PRKAG2: variants seen among roughly 807,000 people sequenced by gnomAD.
PRKAG2 encodes the protein 5'-AMP-activated protein kinase subunit gamma-2.
Under a neutral mutation model 69.6 loss-of-function variants are expected in PRKAG2, and 26 were observed. The observed-to-expected ratio is 0.37, with a 90% CI of 0.27 to 0.52. The LOEUF is 0.52. Among genes scored for constraint, PRKAG2 ranks in the 20% least tolerant of loss-of-function variants. The pLI is 0.90. For missense variants in PRKAG2, 557 were observed against 740.0 expected (o/e 0.75, Z 2.87); for synonymous variants, 293 against 285.0 (o/e 1.03, Z -0.28).
Position 151,835,147 on chromosome 7 carries a change from G to A in PRKAG2, c.114+41360C>T, listed in dbSNP as rs536102176. Among the ~76,000 whole-genome samples the A allele has an allele frequency of 3.3e-5, 5 of 152,290 alleles. No homozygotes were observed. The South Asian group carries it at 1.0e-3, about 32-fold the overall frequency. The stretch of plus-strand genomic sequence containing the variant: ...GAGGTCACATTCACAGGTACAGAGG[G>A]TTAGGATTTGGACACATCTTTTAGG... On this transcript the variant is annotated intron_variant, in intron 1 of 15. Coordinates refer to ENST00000287878, the MANE Select transcript of PRKAG2 (RefSeq NM_016203.4). The surrounding 1 kb of genome is among the most constrained non-coding windows in gnomAD (Gnocchi z 4.1).
At chr7:151,690,372 C>G (rs1051119708) in intron 3 of PRKAG2, among the ~76,000 whole-genome samples, 5 of 152,164 alleles carry the variant, frequency 3.3e-5, no homozygotes, top group Non-Finnish European at 5.9e-5. Context: ...CCCCCTGCCC[C>G]CTTCCAGATA....
chr7:151,727,367 G>T (rs1309594752), intron 3 of PRKAG2, among the ~76,000 whole-genome samples: 1 of 152,198 alleles, frequency 6.6e-6, no homozygotes, highest in Non-Finnish European at 1.5e-5. Flanking sequence ...AGGGGCAGAG[G>T]CATCCAGCCA....
At chr7:151,559,952 C>G in intron 15 of PRKAG2, 5 of 985,352 alleles carry the variant, frequency 5.1e-6, no homozygotes, top group Non-Finnish European at 6.0e-6. Flanking sequence ...GTCTAAAGCC[C>G]TCTCCCGTTC....
At chr7:151,859,248 G>A (rs187132676) in intron 1 of PRKAG2, among the ~76,000 whole-genome samples, 6 of 152,376 alleles carry the variant, frequency 3.9e-5, no homozygotes, top group Non-Finnish European at 8.8e-5. Context: ...ACTCCGCGGG[G>A]AACGGCGTCA....
chr7:151,697,521 C>T (rs1836888314), intron 3 of PRKAG2, among the ~76,000 whole-genome samples: 1 of 152,136 alleles, frequency 6.6e-6, no homozygotes, highest in Admixed American at 6.5e-5. Context: ...AAAGGGGAAG[C>T]CCCGGAGCCC....
chr7:151,689,528 G>A (rs546901999), intron 3 of PRKAG2, among the ~76,000 whole-genome samples: 37 of 152,346 alleles, frequency 2.4e-4, no homozygotes, highest in Non-Finnish European at 4.9e-4. Flanking sequence ...CTCCACTTTG[G>A]AGAGCCACGT....
At chr7:151,587,034 G>A (rs1245990886) in intron 6 of PRKAG2, among the ~76,000 whole-genome samples, 4 of 152,084 alleles carry the variant, frequency 2.6e-5, no homozygotes, top group African/African-American at 7.2e-5. Context: ...GTTGTTGCCC[G>A]CCTGTAATCC....
intron 3 of PRKAG2, among the ~76,000 whole-genome samples, chr7:151,711,588 C>T (rs920064977): frequency 2.0e-5 from 3 of 152,214 alleles, no homozygotes; most frequent in African/African-American, 4.8e-5. Flanking sequence ...TATTTCAACA[C>T]TTTAAATCTA....
At chr7:151,696,323 T>C (rs1836654010) in intron 3 of PRKAG2, among the ~76,000 whole-genome samples, 1 of 152,228 alleles carries the variant, frequency 6.6e-6, no homozygotes, top group South Asian at 2.1e-4. Context: ...CCAGCTCCAA[T>C]GGCAACTGGT....
chr7:151,781,530 G>A lies in PRKAG2; in HGVS notation c.187-99C>T. 1 of 1,398,084 alleles carries A rather than the reference G, an allele frequency of 7.2e-7. No individual in the cohort carries two copies. 86.6% of individuals were successfully genotyped at this position (1,398,084 alleles called of 1,614,324 possible). Reference sequence around the variant, plus strand: ...TATCATTGTCCTCTCTCACATGCGGGCCCCCCATAGTACCCTCCCAGAGAA... The same window carrying A: ...TATCATTGTCCTCTCTCACATGCGGACCCCCCATAGTACCCTCCCAGAGAA... On this transcript the variant is annotated intron_variant, in intron 2 of 15. Coordinates refer to ENST00000287878, the MANE Select transcript of PRKAG2 (RefSeq NM_016203.4). The surrounding 1 kb of genome is among the most constrained non-coding windows in gnomAD (Gnocchi z 6.1).
intron 1 of PRKAG2, among the ~76,000 whole-genome samples, chr7:151,851,199 T>C (rs2079559224): frequency 1.3e-5 from 2 of 152,120 alleles, no homozygotes; most frequent in Admixed American, 1.3e-4. Flanking sequence ...GCTCTGACAT[T>C]ACATTGGTGC....
rs574706331 is a variant in PRKAG2 at position 151,574,168 on chromosome 7, G to A, written c.1005+723C>T. On this transcript the variant is annotated intron_variant, in intron 8 of 15. Coordinates refer to ENST00000287878, the MANE Select transcript of PRKAG2 (RefSeq NM_016203.4). ...CATTACGCATAAAGCAGTATTAATT[G>A]AATTAACCTACACCTTTTAAGTACC... Among the ~76,000 whole-genome samples, 49 of 152,272 alleles carry A rather than the reference G, an allele frequency of 3.2e-4. 1 individual carries two copies. The highest frequency in any genetic ancestry group is 6.8e-3 in the Middle Eastern group (2 of 294).
chr7:151,838,807 G>C (rs1055626719), intron 1 of PRKAG2, among the ~76,000 whole-genome samples: 4 of 151,746 alleles, frequency 2.6e-5, no homozygotes, highest in Non-Finnish European at 4.4e-5. Context: ...TTGAGTTCAG[G>C]AGTTAGAGAC....
At chr7:151,770,603 C>T (rs1185828596) in intron 3 of PRKAG2, among the ~76,000 whole-genome samples, 1 of 152,218 alleles carries the variant, frequency 6.6e-6, no homozygotes, top group Admixed American at 6.5e-5. Flanking sequence ...GGAACCTTAT[C>T]ATTCTTCAAC....
chr7:151,590,601 G>A (rs1812830985), intron 6 of PRKAG2, among the ~76,000 whole-genome samples: 1 of 152,132 alleles, frequency 6.6e-6, no homozygotes, highest in Non-Finnish European at 1.5e-5. Flanking sequence ...CCAGTGACAG[G>A]CTTTCCTAGG....
At chr7:151,586,049 G>A (rs1302029307) in intron 6 of PRKAG2, among the ~76,000 whole-genome samples, 1 of 152,228 alleles carries the variant, frequency 6.6e-6, no homozygotes, top group African/African-American at 2.4e-5. Flanking sequence ...CCGTCCCACT[G>A]CCCCTGCACA....
intron 5 of PRKAG2, among the ~76,000 whole-genome samples, chr7:151,610,854 T>A (rs1248297609): frequency 1.3e-5 from 2 of 148,740 alleles, no homozygotes; most frequent in African/African-American, 5.0e-5. Context: ...TGGGTTTAAG[T>A]GATTCTCCTG....
At chr7:151,735,515 T>C (rs1032562668) in intron 3 of PRKAG2, among the ~76,000 whole-genome samples, 7 of 152,182 alleles carry the variant, frequency 4.6e-5, no homozygotes, top group Non-Finnish European at 1.0e-4. Flanking sequence ...ACCTCTCTCT[T>C]CCTGACCTCC....
At chr7:151,701,715 A>G (rs1282899914) in intron 3 of PRKAG2, among the ~76,000 whole-genome samples, 1 of 151,812 alleles carries the variant, frequency 6.6e-6, no homozygotes, top group Non-Finnish European at 1.5e-5. Context: ...GGTGGTGGGC[A>G]CCTGTAGTCC....
Sources: allele counts gnomAD v4.1 joint callset (sites outside exome capture counted in the v4.1 genomes callset), GRCh38; gene constraint gnomAD v4.1.1; non-coding constraint Gnocchi (gnomAD v3.1); transcripts MANE v1.5; gene names NCBI Gene and HGNC (gene_info 2026-07-23, HGNC 2026-07-21).